FBXL17: variants seen among roughly 807,000 people sequenced by gnomAD.
The protein encoded by FBXL17 is F-box and leucine rich repeat protein 17.
In FBXL17, 22 loss-of-function variants were observed where a neutral mutation model predicts 66.2. The ratio of observed to expected loss-of-function variants is 0.33; its 90% CI spans 0.24 to 0.47. The LOEUF is 0.47. Ranked by LOEUF, FBXL17 falls within the 20% of genes least tolerant of loss-of-function variation. FBXL17 has a pLI of 1.00. For synonymous variants in FBXL17, 474 were observed against 400.5 expected, an observed-to-expected ratio of 1.18 and a Z score of -2.19; for missense variants, 878 against 948.2, an observed-to-expected ratio of 0.93 and a Z score of 0.97.
chr5:107,958,440 A>C, intron 7 of FBXL17, among the ~76,000 whole-genome samples: 1 of 152,202 alleles, frequency 6.6e-6, no homozygotes, highest in Non-Finnish European at 1.5e-5. Flanking sequence ...AAATTTGAGA[A>C]TCAACATCTC....
chr5:108,168,062 T>C (rs1252898151), intron 6 of FBXL17, among the ~76,000 whole-genome samples: 1 of 152,210 alleles, frequency 6.6e-6, no homozygotes, highest in Non-Finnish European at 1.5e-5. Context: ...CCCAAAGTTA[T>C]TCACTTTCCT....
intron 7 of FBXL17, among the ~76,000 whole-genome samples, chr5:107,980,645 A>AATATATATATATATATATATAT (rs61438456): frequency 8.7e-4 from 69 of 79,106 alleles, no homozygotes; most frequent in South Asian, 2.3e-3. Flanking sequence ...CCAATAAAAT[A>AATATATATATATATATATATAT]ATATATATAT....
intron 7 of FBXL17, among the ~76,000 whole-genome samples, chr5:107,889,327 G>A (rs1397208811): frequency 6.6e-6 from 1 of 152,180 alleles, no homozygotes; most frequent in Non-Finnish European, 1.5e-5. Flanking sequence ...TATAGAAAAT[G>A]TTGCAAATGC....
chr5:108,111,166 ATAAC>A (rs1276929469), intron 6 of FBXL17, among the ~76,000 whole-genome samples: 3 of 152,172 alleles, frequency 2.0e-5, no homozygotes, highest in Middle Eastern at 3.4e-3. Context: ...ATACATATAA[ATAAC>A]TATCTGCAGA....
chr5:107,896,890 G>A lies in FBXL17; in HGVS notation c.1823-15711C>T, dbSNP rs571087843. 4.7e-4 allele frequency among the ~76,000 whole-genome samples: 71 copies of A among 151,934 alleles called. No homozygotes were observed. The South Asian group carries it at 0.011, about 24-fold the overall frequency. On this transcript the variant is annotated intron_variant, in intron 7 of 8. Transcript: ENST00000542267. Reference sequence around the variant, plus strand: ...GTGAAATACTACACATTTTTATCTCGTATTGAAAATATAGCTTTTATGTGG... The same window carrying A: ...GTGAAATACTACACATTTTTATCTCATATTGAAAATATAGCTTTTATGTGG...
At chr5:108,204,252 T>A (rs978055168) in intron 5 of FBXL17, among the ~76,000 whole-genome samples, 17 of 152,144 alleles carry the variant, frequency 1.1e-4, no homozygotes, top group African/African-American at 3.9e-4. Flanking sequence ...TGCAGTGGCA[T>A]GATCATGGCT....
intron 6 of FBXL17, among the ~76,000 whole-genome samples, chr5:108,122,998 G>A (rs952461516): frequency 1.3e-5 from 2 of 151,712 alleles, no homozygotes; most frequent in Admixed American, 1.3e-4. Context: ...AGGGCTGAGT[G>A]ATACAGGCAT....
intron 5 of FBXL17, among the ~76,000 whole-genome samples, chr5:108,193,813 C>A (rs1186028541): frequency 1.3e-5 from 2 of 152,092 alleles, no homozygotes; most frequent in East Asian, 3.9e-4. Context: ...TCTATGTATT[C>A]TCTTTCACCC....
chr5:108,249,198 C>T (rs1756239485), intron 4 of FBXL17, among the ~76,000 whole-genome samples: 1 of 151,996 alleles, frequency 6.6e-6, no homozygotes, highest in African/African-American at 2.4e-5. Flanking sequence ...CATTCCTTGG[C>T]CTAGAGACCT....
chr5:108,011,561 C>T (rs571699286), intron 7 of FBXL17, among the ~76,000 whole-genome samples: 18 of 152,012 alleles, frequency 1.2e-4, no homozygotes, highest in South Asian at 4.2e-4. Context: ...TCCAGCACTT[C>T]GGGAGGCCAA....
intron 6 of FBXL17, among the ~76,000 whole-genome samples, chr5:108,064,370 T>C (rs958936863): frequency 1.3e-5 from 2 of 152,120 alleles, no homozygotes; most frequent in Non-Finnish European, 2.9e-5. Context: ...GTCTGTGAAA[T>C]AAAAACTGAA....
At chr5:108,137,734 A>C (rs1751195644) in intron 6 of FBXL17, among the ~76,000 whole-genome samples, 1 of 152,174 alleles carries the variant, frequency 6.6e-6, no homozygotes, top group African/African-American at 2.4e-5. Flanking sequence ...CTTCCTCAAA[A>C]TAAATGATCT....
chr5:108,014,078 A>G (rs1754285131), intron 7 of FBXL17, among the ~76,000 whole-genome samples: 1 of 147,802 alleles, frequency 6.8e-6, no homozygotes, highest in South Asian at 2.1e-4. Context: ...TGTATATCCA[A>G]GAGTACTATG....
rs561701855 is a variant in FBXL17, at chr5:108,045,523, G to A, written c.1746-24522C>T. Among the ~76,000 whole-genome samples the A allele has an allele frequency of 9.9e-5, 15 of 152,060 alleles. No homozygotes were observed. The East Asian group carries it at 2.1e-3, about 22-fold the overall frequency. ...TTTACACTGCTCTTCTTTTTCTAGC[G>A]TCTTGATATAGAAGCTTAGCTTTTT... On this transcript the variant is annotated intron_variant, in intron 6 of 8. Coordinates refer to ENST00000542267, the MANE Select transcript of FBXL17 (RefSeq NM_001163315.3).
At chr5:108,174,345 T>C (rs1752713507) in intron 6 of FBXL17, among the ~76,000 whole-genome samples, 1 of 152,224 alleles carries the variant, frequency 6.6e-6, no homozygotes. Context: ...ATAGTGACTA[T>C]TCTAACATTT....
At chr5:108,300,316 G>A (rs556564785) in intron 4 of FBXL17, among the ~76,000 whole-genome samples, 1 of 151,822 alleles carries the variant, frequency 6.6e-6, no homozygotes, top group Admixed American at 6.6e-5. Context: ...TCTTTCTACA[G>A]AGAGACACTC....
intron 6 of FBXL17, among the ~76,000 whole-genome samples, chr5:108,142,086 T>C (rs1045402650): frequency 6.6e-6 from 1 of 152,244 alleles, no homozygotes; most frequent in Non-Finnish European, 1.5e-5. Flanking sequence ...TAAAAGCATA[T>C]GTTTTCACAT....
At chr5:108,111,558 G>C (rs1750035661) in intron 6 of FBXL17, among the ~76,000 whole-genome samples, 1 of 152,160 alleles carries the variant, frequency 6.6e-6, no homozygotes, top group South Asian at 2.1e-4. Flanking sequence ...TCATTCTTAA[G>C]TATTTATTGA....
chr5:107,934,197 A>C (rs540277301), intron 7 of FBXL17, among the ~76,000 whole-genome samples: 162 of 152,164 alleles, frequency 1.1e-3, no homozygotes, highest in Non-Finnish European at 1.9e-3. Context: ...TTCATTGTGC[A>C]TAATAATAAT....
Sources: allele counts gnomAD v4.1 joint callset (sites outside exome capture counted in the v4.1 genomes callset), GRCh38; gene constraint gnomAD v4.1.1; transcripts MANE v1.5; gene names NCBI Gene and HGNC (gene_info 2026-07-23, HGNC 2026-07-21).